The following TBC1D5 variants were observed in gnomAD, a reference collection of about 807,000 sequenced individuals.
TBC1D5 encodes TBC1 domain family, member 5.
Under a neutral mutation model 100.3 loss-of-function variants are expected in TBC1D5, and 75 were observed. That is an observed-to-expected ratio of 0.75 (90% CI 0.62 to 0.91). TBC1D5 has a LOEUF of 0.91. Among genes scored for constraint, TBC1D5 ranks in the 40% least tolerant of loss-of-function variants. The pLI is 0.00. For missense variants in TBC1D5, 910 were observed against 942.4 expected (o/e 0.97, Z 0.45); for synonymous variants, 323 against 325.6 (o/e 0.99, Z 0.09).
At chr3:17,497,019 T>A (rs1437013632) in intron 3 of TBC1D5, among the ~76,000 whole-genome samples, 1 of 151,904 alleles carries the variant, frequency 6.6e-6, no homozygotes, top group African/African-American at 2.4e-5. Context: ...AGCCTATTCA[T>A]ATAGTACTGC....
chr3:17,726,045 G>A (rs1392173847), intron 1 of TBC1D5, among the ~76,000 whole-genome samples: 2 of 152,158 alleles, frequency 1.3e-5, no homozygotes, highest in Non-Finnish European at 2.9e-5. Context: ...CGGACATGAT[G>A]TCATTCTTTT....
intron 3 of TBC1D5, among the ~76,000 whole-genome samples, chr3:17,447,954 A>C (rs1357504041): frequency 6.6e-6 from 1 of 152,176 alleles, no homozygotes; most frequent in Non-Finnish European, 1.5e-5. Context: ...TTTCACTGCT[A>C]AATTATCATT....
intron 19 of TBC1D5, among the ~76,000 whole-genome samples, chr3:17,175,926 G>A (rs2067670802): frequency 1.3e-5 from 2 of 152,216 alleles, no homozygotes; most frequent in African/African-American, 4.8e-5. Context: ...AGCATGAGAT[G>A]CTTGTGGTGG....
At chr3:17,255,805 G>C (rs1158993834) in intron 16 of TBC1D5, among the ~76,000 whole-genome samples, 1 of 152,106 alleles carries the variant, frequency 6.6e-6, no homozygotes, top group Non-Finnish European at 1.5e-5. Context: ...TCGGGAGGCT[G>C]AGGTGGGCAG....
chr3:17,668,095 A>G (rs1231159216), intron 1 of TBC1D5, among the ~76,000 whole-genome samples: 1 of 149,550 alleles, frequency 6.7e-6, no homozygotes. Flanking sequence ...GCATTCCACT[A>G]AATATATATA....
chr3:17,184,777 C>T (rs9822562), intron 19 of TBC1D5: 54 of 159,074 alleles, frequency 3.4e-4, no homozygotes, highest in Non-Finnish European at 4.3e-4. Flanking sequence ...AATTCCTGGC[C>T]TCAAATCTTC....
Position 17,499,970 on chromosome 3 carries a change from T to A in TBC1D5, c.97+8504A>T, listed in dbSNP as rs1485015664. On this transcript the variant is annotated intron_variant, in intron 3 of 21. Transcript: ENST00000253692. ...ATGGTGGAGAATATATCTTAAGACATGGATATCCTTTTGCAGACCTAATTG... is the reference window on the plus strand; with the variant it reads ...ATGGTGGAGAATATATCTTAAGACAAGGATATCCTTTTGCAGACCTAATTG... 1.3e-5 allele frequency among the ~76,000 whole-genome samples: 2 copies of A among 149,332 alleles called. 1 individual carries two copies. The highest frequency in any genetic ancestry group is 5.1e-5 in the African/African-American group (2 of 39,178).
intron 3 of TBC1D5, among the ~76,000 whole-genome samples, chr3:17,475,742 A>T (rs1474483009): frequency 6.6e-6 from 1 of 152,126 alleles, no homozygotes; most frequent in Admixed American, 6.6e-5. Context: ...TTGTTATCAT[A>T]AACAATGTTC....
At chr3:17,223,046 G>C (rs1453340142) in intron 17 of TBC1D5, among the ~76,000 whole-genome samples, 3 of 151,972 alleles carry the variant, frequency 2.0e-5, no homozygotes, top group Non-Finnish European at 4.4e-5. Flanking sequence ...TTTTCTGAAG[G>C]GGGGAAGGCA....
At chr3:17,509,337 G>A (rs2095876679) in intron 2 of TBC1D5, among the ~76,000 whole-genome samples, 1 of 150,218 alleles carries the variant, frequency 6.7e-6, no homozygotes, top group Non-Finnish European at 1.5e-5. Flanking sequence ...CAGTATGTCT[G>A]TATGATATCC....
intron 2 of TBC1D5, among the ~76,000 whole-genome samples, chr3:17,589,532 T>C (rs548626115): frequency 1.3e-5 from 2 of 152,326 alleles, no homozygotes; most frequent in East Asian, 3.9e-4. Context: ...AGATCTTGAC[T>C]CTTGTCTGCC....
In TBC1D5 at chr3:17,254,491, T is replaced by C. The variant is rs561204023; in HGVS notation, c.1331+4015A>G. 1.1e-4 allele frequency among the ~76,000 whole-genome samples: 16 copies of C among 152,280 alleles called. 1 individual carries two copies. In the East Asian group the frequency reaches 1.4e-3, roughly 13 times the overall value. ...ATGTTGAACATCTTTTCATAGCACA[T>C]TGATGATTTTTATATCTTCTTTTGT... is the stretch of plus-strand genomic sequence containing the variant. On this transcript the variant is annotated intron_variant, in intron 16 of 21. Transcript: ENST00000253692.
chr3:17,674,398 T>C (rs1433139009), intron 1 of TBC1D5, among the ~76,000 whole-genome samples: 2 of 152,170 alleles, frequency 1.3e-5, no homozygotes, highest in Non-Finnish European at 2.9e-5. Context: ...TAAAAACTGA[T>C]AAATATTCTC....
At chr3:17,199,314 T>C (rs1210873206) in intron 18 of TBC1D5, among the ~76,000 whole-genome samples, 3 of 152,360 alleles carry the variant, frequency 2.0e-5, no homozygotes, top group South Asian at 4.1e-4. Context: ...ATTCATGTTT[T>C]CATCACTGTC....
intron 2 of TBC1D5, among the ~76,000 whole-genome samples, chr3:17,542,863 C>A (rs993403640): frequency 3.9e-5 from 6 of 152,006 alleles, no homozygotes; most frequent in African/African-American, 1.5e-4. Context: ...TGGTTTGTTA[C>A]TATTTTGTTG....
Position 17,585,231 on chromosome 3 carries a change from G to T in TBC1D5, c.-36+38618C>A, listed in dbSNP as rs1043103942. On this transcript the variant is annotated intron_variant, in intron 2 of 21. Transcript: ENST00000253692. Reference sequence around the variant, plus strand: ...CAAATGTTAAATAAAATGGGAATGGGTACTAGAAGAGATCACTTTGGGCAA... The same window carrying T: ...CAAATGTTAAATAAAATGGGAATGGTTACTAGAAGAGATCACTTTGGGCAA... Among the ~76,000 whole-genome samples, 3 of 152,144 alleles carry T rather than the reference G, an allele frequency of 2.0e-5. No homozygotes were observed. In the East Asian group the frequency reaches 5.8e-4, roughly 29 times the overall value.
chr3:17,607,263 T>C (rs1317755596), intron 2 of TBC1D5, among the ~76,000 whole-genome samples: 4 of 122,318 alleles, frequency 3.3e-5, no homozygotes, highest in African/African-American at 1.4e-4. Context: ...ATATCTAATG[T>C]GTACAGCAAA....
At position 17,291,975 on chromosome 3, in the gene TBC1D5, G is replaced by C. The variant is rs774947500; in HGVS notation, c.1165C>G (p.Leu389Val). Residue 389 changes from leucine (L) to valine (V), a missense_variant, in exon 15 of 22, where the codon CTC (leucine) becomes GTC (valine). Coordinates refer to ENST00000253692, the Ensembl canonical transcript of TBC1D5. ...AATGGGTAATGCATCAGAAGGCCGA[G>C]ACAGGTCTGGTAGTTACTAGAGATC... The C allele has an allele frequency of 3.7e-6, 6 of 1,613,738 alleles. No homozygotes were observed. The African/African-American group carries it at 5.3e-5, about 14-fold the overall frequency.
At chr3:17,504,587 C>G (rs755408382) in intron 3 of TBC1D5, among the ~76,000 whole-genome samples, 5 of 152,076 alleles carry the variant, frequency 3.3e-5, no homozygotes, top group Admixed American at 6.5e-5. Context: ...ACCAGACAGA[C>G]AAGAAGACAG....
Sources: allele counts gnomAD v4.1 joint callset (sites outside exome capture counted in the v4.1 genomes callset), GRCh38; gene constraint gnomAD v4.1.1; transcripts MANE v1.5; gene names NCBI Gene and HGNC (gene_info 2026-07-23, HGNC 2026-07-21).